Variants in LUZP2 observed in about 807,000 individuals in gnomAD.
LUZP2 encodes the protein leucine zipper protein 2.
In LUZP2, 52 loss-of-function variants were observed where a neutral mutation model predicts 51.6. That is an observed-to-expected ratio of 1.01 (90% confidence interval 0.81 to 1.27). LUZP2 has a LOEUF of 1.27. Among genes scored for constraint, LUZP2 ranks in the 50% most tolerant of loss-of-function variants. The pLI is 0.00. For synonymous variants in LUZP2, 154 were observed against 137.3 expected (o/e 1.12, Z -0.85); for missense variants, 436 against 395.4 (o/e 1.10, Z -0.87).
At position 24,727,768 on chromosome 11, in the gene LUZP2, T is replaced by A. The variant is rs922697821; in HGVS notation, c.63-1401T>A. On this transcript the variant is annotated intron_variant, in intron 1 of 11. Transcript: ENST00000336930. ...ATTCACAAGGCCAGCGAGAATATTG[T>A]GGTTCTTAGCAATGGGCCATTCCGA... 2.6e-5 allele frequency among the ~76,000 whole-genome samples: 4 copies of A among 152,048 alleles called. No homozygotes were observed. In the South Asian group the frequency reaches 8.3e-4, roughly 31 times the overall value.
intron 1 of LUZP2, among the ~76,000 whole-genome samples, chr11:24,677,659 A>G (rs1458106134): frequency 6.6e-6 from 1 of 152,138 alleles, no homozygotes; most frequent in Non-Finnish European, 1.5e-5. Context: ...TAAATTATTT[A>G]TCACAATTTG....
At chr11:24,569,806 A>G (rs1238152465) in intron 1 of LUZP2, among the ~76,000 whole-genome samples, 1 of 152,048 alleles carries the variant, frequency 6.6e-6, no homozygotes, top group Non-Finnish European at 1.5e-5. Context: ...ACTTGGAAAA[A>G]GAAAAATGGA....
intron 5 of LUZP2, among the ~76,000 whole-genome samples, chr11:24,797,010 C>T (rs865931050): frequency 4.6e-5 from 7 of 152,094 alleles, no homozygotes; most frequent in South Asian, 2.1e-4. Flanking sequence ...GTTCAAATTT[C>T]GGCTCATCAT....
intron 1 of LUZP2, among the ~76,000 whole-genome samples, chr11:24,711,836 G>A (rs563210943): frequency 6.6e-6 from 1 of 151,708 alleles, no homozygotes; most frequent in African/African-American, 2.4e-5. Context: ...TAACATAATT[G>A]TATATAGGCA....
intron 7 of LUZP2, among the ~76,000 whole-genome samples, chr11:24,934,016 C>T (rs1241553424): frequency 2.0e-5 from 3 of 151,998 alleles, no homozygotes; most frequent in African/African-American, 7.3e-5. Context: ...GAGGGTGTAT[C>T]GTACAAAGTA....
intron 9 of LUZP2, among the ~76,000 whole-genome samples, chr11:25,010,341 G>T (rs1190021949): frequency 1.3e-5 from 2 of 150,144 alleles, no homozygotes; most frequent in Non-Finnish European, 3.0e-5. Flanking sequence ...ATCACTTGAG[G>T]TCAGGAGTTT....
At chr11:24,931,200 ACT>A (rs1854437799) in intron 7 of LUZP2, among the ~76,000 whole-genome samples, 1 of 150,776 alleles carries the variant, frequency 6.6e-6, no homozygotes, top group African/African-American at 2.4e-5. Context: ...ACAGAGTGAG[ACT>A]CTGTCTCAAA....
At chr11:24,638,078 G>C (rs1047883642) in intron 1 of LUZP2, among the ~76,000 whole-genome samples, 1 of 151,686 alleles carries the variant, frequency 6.6e-6, no homozygotes, top group Admixed American at 6.6e-5. Flanking sequence ...AGGGAAAATA[G>C]AAAAGAACCT....
chr11:24,650,888 T>C (rs1335957526), intron 1 of LUZP2, among the ~76,000 whole-genome samples: 1 of 152,042 alleles, frequency 6.6e-6, no homozygotes, highest in Non-Finnish European at 1.5e-5. Context: ...CTTAGGCAGA[T>C]TTCTGAACTT....
chr11:24,938,933 G>A lies in LUZP2; in HGVS notation c.522+24395G>A, dbSNP rs146447951. ...TTGAAAGAAAATGCTGATTTAGTAG[G>A]TCTCGGAGAGGGCTTGAGATTCTAC... On this transcript the variant is annotated intron_variant, in intron 7 of 11. Transcript: ENST00000336930. Among the ~76,000 whole-genome samples the A allele has an allele frequency of 9.7e-3, 1,472 of 152,076 alleles. 20 individuals are homozygous for A. The highest frequency in any genetic ancestry group is 0.045 in the South Asian group (217 of 4,814).
At position 24,543,698 on chromosome 11, in the gene LUZP2, G is replaced by A. The variant is rs1851449744; in HGVS notation, c.62+46393G>A. On this transcript the variant is annotated intron_variant, in intron 1 of 11. Coordinates refer to ENST00000336930, the MANE Select transcript of LUZP2 (RefSeq NM_001009909.4). Reference sequence around the variant, plus strand: ...TAGCCAGGCATGGTGGTGCGTGACTGTAATCCCAGCTACTCAGGAAGCTGA... The same window carrying A: ...TAGCCAGGCATGGTGGTGCGTGACTATAATCCCAGCTACTCAGGAAGCTGA... Among the ~76,000 whole-genome samples the A allele has an allele frequency of 2.0e-5, 3 of 151,714 alleles. No homozygotes were observed. In the Admixed American group the frequency reaches 2.0e-4, roughly 10 times the overall value.
intron 7 of LUZP2, among the ~76,000 whole-genome samples, chr11:24,928,999 T>G (rs1436673178): frequency 6.6e-6 from 1 of 152,072 alleles, no homozygotes; most frequent in Non-Finnish European, 1.5e-5. Context: ...TCCTCTAGGT[T>G]TTCTAGTTTA....
intron 1 of LUZP2, among the ~76,000 whole-genome samples, chr11:24,515,632 A>T (rs1483974623): frequency 1.3e-5 from 2 of 152,160 alleles, no homozygotes; most frequent in African/African-American, 4.8e-5. Context: ...TTCAAAACGT[A>T]GACGGAACTT....
intron 1 of LUZP2, among the ~76,000 whole-genome samples, chr11:24,668,482 C>G (rs1211932322): frequency 6.6e-6 from 1 of 152,148 alleles, no homozygotes; most frequent in African/African-American, 2.4e-5. Context: ...TATTCAGAAA[C>G]TAGCAACCCT....
chr11:24,828,862 T>G (rs1850616392), intron 5 of LUZP2, among the ~76,000 whole-genome samples: 1 of 152,198 alleles, frequency 6.6e-6, no homozygotes, highest in African/African-American at 2.4e-5. Flanking sequence ...AGTTTTAACT[T>G]AGGATTTCTA....
Position 24,926,329 on chromosome 11 carries a change from ATATATATATACGTGTG to A in LUZP2, c.522+11818_522+11833del, listed in dbSNP as rs1184426893. 9.5e-4 allele frequency among the ~76,000 whole-genome samples: 22 copies of A among 23,122 alleles called. 2 individuals are homozygous for A. Among genetic ancestry groups the A allele is most frequent in the East Asian group, 4.6e-3 (4 of 866 alleles). 15.2% of individuals were successfully genotyped at this position (23,122 alleles called of 152,430 possible). A position where few individuals can be genotyped will look rare whatever the true frequency, so the allele number is the denominator to read the frequency against. ...CGTGTGTATATATATACGTGTGTGTATATATATATACGTGTGTATATATATACGTGTGTATATATAT... is the reference window on the plus strand; with the variant it reads ...CGTGTGTATATATATACGTGTGTGTATATATATATACGTGTGTATATATAT... On this transcript the variant is annotated intron_variant, in intron 7 of 11. Transcript: ENST00000336930.
At chr11:25,072,374 A>T (rs1395158184) in intron 10 of LUZP2, among the ~76,000 whole-genome samples, 2 of 152,122 alleles carry the variant, frequency 1.3e-5, no homozygotes, top group African/African-American at 4.8e-5. Context: ...TCATAATAGA[A>T]ATTCAGTAAA....
chr11:24,553,020 C>G (rs1054748900), intron 1 of LUZP2, among the ~76,000 whole-genome samples: 1 of 151,054 alleles, frequency 6.6e-6, no homozygotes, highest in African/African-American at 2.4e-5. Flanking sequence ...ATGTGCCTTA[C>G]CAGACATTAA....
At chr11:24,843,438 C>G (rs1030841437) in intron 5 of LUZP2, among the ~76,000 whole-genome samples, 1 of 152,012 alleles carries the variant, frequency 6.6e-6, no homozygotes, top group African/African-American at 2.4e-5. Context: ...GCCAATCTTT[C>G]CCATTAATGT....
Sources: allele counts gnomAD v4.1 joint callset (sites outside exome capture counted in the v4.1 genomes callset), GRCh38; gene constraint gnomAD v4.1.1; transcripts MANE v1.5; gene names NCBI Gene and HGNC (gene_info 2026-07-23, HGNC 2026-07-21).